Variants in ADAMTS20 observed in about 807,000 individuals in gnomAD.
The protein encoded by ADAMTS20 is ADAM metallopeptidase with thrombospondin type 1 motif 20.
In ADAMTS20, 225 loss-of-function variants were observed where a neutral mutation model predicts 260.1. The ratio of observed to expected loss-of-function variants is 0.87; its 90% CI spans 0.78 to 0.97. The LOEUF (loss-of-function observed/expected upper bound fraction) is 0.97, where lower values mean the gene tolerates loss of function less well. Among genes scored for constraint, ADAMTS20 ranks in the 50% least tolerant of loss-of-function variants. The probability of loss-of-function intolerance (pLI) is 0.00; values close to 1 mark genes in which losing one functional copy is unlikely to be tolerated. For missense variants in ADAMTS20, 2,400 were observed against 2,337.7 expected, an observed-to-expected ratio of 1.03 and a Z score of -0.55; for synonymous variants, 802 against 769.5, an observed-to-expected ratio of 1.04 and a Z score of -0.70.
At chr12:43,456,658 C>A (rs758902036) in intron 11 of ADAMTS20, among the ~76,000 whole-genome samples, 1 of 152,170 alleles carries the variant, frequency 6.6e-6, no homozygotes, top group Non-Finnish European at 1.5e-5. Flanking sequence ...ATGGCAAGAG[C>A]ACACCTGGAC....
In ADAMTS20 at chr12:43,432,685, A is replaced by T. The variant is rs1168590134; in HGVS notation, c.2847T>A (p.Cys949Ter). 2 of 1,613,874 alleles carry T rather than the reference A, an allele frequency of 1.2e-6. No homozygotes were observed. The highest frequency in any genetic ancestry group is 2.2e-5 in the South Asian group (2 of 91,096). ...GGGTAGGAGGTTTAAGCTGGTCACC[A>T]CAGTAGTGGTCATCAACTTGAACAG... is the stretch of plus-strand genomic sequence containing the variant. ...GQTVQVDDHY[C>*]GDQLKPPTQE... The change falls in exon 20 of 39, where the codon TGT (cysteine) becomes TGA (stop). Residue 949 changes from cysteine to a stop codon, truncating the protein, a stop_gained. Transcript: ENST00000389420. LOFTEE classifies it high-confidence loss of function.
intron 11 of ADAMTS20, among the ~76,000 whole-genome samples, chr12:43,458,496 C>T (rs924913886): frequency 6.6e-6 from 1 of 152,216 alleles, no homozygotes; most frequent in African/African-American, 2.4e-5. Context: ...CAGGCATACT[C>T]CAGACTTAGG....
rs1408777001 is a variant in ADAMTS20 at position 43,551,155 on chromosome 12, C to G, written c.207G>C (p.Glu69Asp). Residue 69 changes from glutamate (E) to aspartate (D), a missense_variant, in exon 2 of 39, where the codon GAG becomes GAC. Glu to Asp is a conservative substitution (Grantham distance 45, BLOSUM62 2). Coordinates refer to ENST00000389420, the MANE Select transcript of ADAMTS20 (RefSeq NM_025003.5). The surrounding 1 kb of genome is among the most constrained non-coding windows in gnomAD (Gnocchi z 4.6). ...HHFSRQKRSS[E>D]ALEPMPFRTH... ...TTCGGAACGGCATGGGTTCCAGCGCCTCGGAGCTGCGTTTCTGCCGGCTGA... is the reference window on the plus strand; with the variant it reads ...TTCGGAACGGCATGGGTTCCAGCGCGTCGGAGCTGCGTTTCTGCCGGCTGA... The G allele has an allele frequency of 6.2e-7, 1 of 1,613,970 alleles. No individual in the cohort carries two copies. The highest frequency in any genetic ancestry group is 1.7e-5 in the Admixed American group (1 of 60,026).
chr12:43,356,758 G>T (rs1172917579), intron 37 of ADAMTS20, among the ~76,000 whole-genome samples, 170 bp from the exon 38 acceptor site: 1 of 152,152 alleles, frequency 6.6e-6, no homozygotes, highest in Admixed American at 6.6e-5. Context: ...TAGAACTAAT[G>T]GTCCTGTAGA....
intron 7 of ADAMTS20, among the ~76,000 whole-genome samples, chr12:43,470,341 A>C (rs1216446988): frequency 6.6e-6 from 1 of 152,200 alleles, no homozygotes; most frequent in Non-Finnish European, 1.5e-5. Flanking sequence ...ATTACCAACC[A>C]AACTTTATGT....
At chr12:43,376,365 C>G in intron 33 of ADAMTS20, 35 bp from the exon 34 acceptor site, 1 of 1,490,788 alleles carries the variant, frequency 6.7e-7, no homozygotes, top group Non-Finnish European at 9.1e-7. Flanking sequence ...TAACACAGAG[C>G]AAATTACAAA....
intron 37 of ADAMTS20, among the ~76,000 whole-genome samples, chr12:43,366,590 G>A (rs928057731): frequency 6.6e-6 from 1 of 151,650 alleles, no homozygotes; most frequent in Non-Finnish European, 1.5e-5. Flanking sequence ...TAAATTTAGT[G>A]GATAAAATAA....
At chr12:43,534,800 G>T (rs1325088050) in intron 2 of ADAMTS20, among the ~76,000 whole-genome samples, 1 of 152,092 alleles carries the variant, frequency 6.6e-6, no homozygotes, top group Non-Finnish European at 1.5e-5. Flanking sequence ...ATTTCTATTT[G>T]CCTGGTTACT....
chr12:43,439,578 G>T, intron 18 of ADAMTS20, 44 bp downstream of exon 18: 1 of 1,570,460 alleles, frequency 6.4e-7, no homozygotes, highest in South Asian at 1.2e-5. Flanking sequence ...AATGATGCCA[G>T]AATGCACAGT....
intron 3 of ADAMTS20, among the ~76,000 whole-genome samples, chr12:43,517,156 A>C (rs1270122058): frequency 1.3e-5 from 2 of 152,096 alleles, no homozygotes; most frequent in Non-Finnish European, 2.9e-5. Flanking sequence ...ACTTGAAATG[A>C]GGCAAGGATT....
chr12:43,375,943 C>T lies in ADAMTS20; in HGVS notation c.5312+114G>A, dbSNP rs1212771224. 5 of 766,944 alleles carry T rather than the reference C, an allele frequency of 6.5e-6. No individual in the cohort carries two copies. The East Asian group carries it at 8.1e-5, about 12-fold the overall frequency. The allele number at this position is 766,944 out of a possible 1,614,324, so 47.5% of individuals were successfully genotyped here. A position where few individuals can be genotyped will look rare whatever the true frequency, so the allele number is the denominator to read the frequency against. ...TTAGGTCCTAACATGTCTACCTGCT[C>T]CTACATTATTTGTCTCACATGTAAG... On this transcript the variant is annotated intron_variant, in intron 35 of 38. Transcript: ENST00000389420.
At chr12:43,421,448 G>T (rs1030207098) in intron 28 of ADAMTS20, among the ~76,000 whole-genome samples, 1 of 151,820 alleles carries the variant, frequency 6.6e-6, no homozygotes, top group Non-Finnish European at 1.5e-5. Context: ...TTCTATGTGA[G>T]GAATAAAAAC....
chr12:43,374,436 A>G (rs1940177775), intron 36 of ADAMTS20, among the ~76,000 whole-genome samples: 1 of 152,148 alleles, frequency 6.6e-6, no homozygotes, highest in African/African-American at 2.4e-5. Flanking sequence ...AACTTTCTGG[A>G]CAGCAGCCTG....
At chr12:43,499,439 A>C (rs1182514133) in intron 4 of ADAMTS20, among the ~76,000 whole-genome samples, 1 of 150,578 alleles carries the variant, frequency 6.6e-6, no homozygotes, top group Non-Finnish European at 1.5e-5. Flanking sequence ...GGAGAACTTT[A>C]GTTATCTCAA....
chr12:43,466,412 G>T (rs1289556292), intron 9 of ADAMTS20, among the ~76,000 whole-genome samples: 1 of 151,500 alleles, frequency 6.6e-6, no homozygotes, highest in African/African-American at 2.4e-5. Flanking sequence ...AAAAATAATA[G>T]CTAGGTCTAA....
intron 3 of ADAMTS20, among the ~76,000 whole-genome samples, chr12:43,510,156 A>C (rs1295875019): frequency 6.6e-6 from 1 of 152,134 alleles, no homozygotes; most frequent in East Asian, 1.9e-4. Flanking sequence ...TTAAGTAAAA[A>C]TATAAATGGT....
chr12:43,461,793 A>G (rs547218171), intron 11 of ADAMTS20, among the ~76,000 whole-genome samples: 17 of 152,332 alleles, frequency 1.1e-4, no homozygotes, highest in Non-Finnish European at 2.1e-4. Flanking sequence ...AAAAAAATAA[A>G]GTCCTTTAAA....
intron 31 of ADAMTS20, among the ~76,000 whole-genome samples, chr12:43,382,339 T>C (rs1565673621): frequency 2.0e-5 from 3 of 152,202 alleles, no homozygotes; most frequent in East Asian, 1.9e-4. Context: ...AAAACTTGTA[T>C]AAAGTTTTAA....
rs755441054 is a variant in ADAMTS20, at chr12:43,432,625, T to C, written c.2907A>G (p.Arg969=). ...CCTGAGACCATTCTGAATAATGCCA[T>C]CTTGTGAAGACACAGTTACCATGGC... ...ELCHGNCVFT[R]WHYSEWSQCS... Residue 969 remains arginine, a synonymous_variant, in exon 20 of 39, where the codon AGA becomes AGG. Coordinates refer to ENST00000389420, the MANE Select transcript of ADAMTS20 (RefSeq NM_025003.5). 2 of 1,613,844 alleles carry C rather than the reference T, an allele frequency of 1.2e-6. No homozygotes were observed. Among genetic ancestry groups the C allele is most frequent in the African/African-American group, 1.3e-5 (1 of 74,932 alleles).
Sources: allele counts gnomAD v4.1 joint callset (sites outside exome capture counted in the v4.1 genomes callset), GRCh38; gene constraint gnomAD v4.1.1; non-coding constraint Gnocchi (gnomAD v3.1); transcripts MANE v1.5; gene names NCBI Gene and HGNC (gene_info 2026-07-23, HGNC 2026-07-21).